CACNB1: variants seen among roughly 807,000 people sequenced by gnomAD.
CACNB1 encodes the protein calcium voltage-gated channel auxiliary subunit beta 1.
A neutral mutation model predicts 71.6 loss-of-function variants in CACNB1; 29 were observed. The observed-to-expected ratio is 0.40, with a 90% CI of 0.30 to 0.55. The LOEUF is 0.55. Among genes scored for constraint, CACNB1 ranks in the 20% least tolerant of loss-of-function variants. CACNB1 has a pLI of 0.38. For synonymous variants in CACNB1, 300 were observed against 319.6 expected (o/e 0.94, Z 0.65); for missense variants, 623 against 801.8 (o/e 0.78, Z 2.69).
At chr17:39,183,603 G>T in intron 11 of CACNB1, 110 bp downstream of exon 11, 1 of 902,502 alleles carries the variant, frequency 1.1e-6, no homozygotes, top group South Asian at 1.8e-5. Flanking sequence ...AGGAAACTAA[G>T]ACTCAGGCAG....
intron 1 of CACNB1, 69 bp from the exon 2 acceptor site, chr17:39,195,039 C>T: frequency 9.4e-7 from 1 of 1,067,774 alleles, no homozygotes; most frequent in Non-Finnish European, 1.4e-6. Flanking sequence ...TCTTGCCAGC[C>T]CCAGAGCTAC....
chr17:39,191,671 C>T lies in CACNB1; in HGVS notation c.172-78G>A, dbSNP rs1597714752. 1.1e-5 allele frequency: 16 copies of T among 1,491,546 alleles called. No homozygotes were observed. In the East Asian group the frequency reaches 3.9e-4, roughly 36 times the overall value. 92.4% of individuals were successfully genotyped at this position (1,491,546 alleles called of 1,614,324 possible). A position where few individuals can be genotyped will look rare whatever the true frequency, so the allele number is the denominator to read the frequency against. On this transcript the variant is annotated intron_variant, in intron 2 of 13. Coordinates refer to ENST00000394303, the MANE Select transcript of CACNB1 (RefSeq NM_000723.5). ...GGCCTGGGAAGGCATGGAGGTGCCACCCATCATGGATGCCTCGAGCCCCAG... is the reference window on the plus strand; with the variant it reads ...GGCCTGGGAAGGCATGGAGGTGCCATCCATCATGGATGCCTCGAGCCCCAG...
At position 39,185,761 on chromosome 17, in the gene CACNB1, G is replaced by T. The variant is rs114401617; in HGVS notation, c.629-611C>A. On this transcript the variant is annotated intron_variant, in intron 6 of 13. Coordinates refer to ENST00000394303, the MANE Select transcript of CACNB1 (RefSeq NM_000723.5). The stretch of plus-strand genomic sequence containing the variant: ...CCAAGGGCAAGATCTCCTTCCTGGA[G>T]ATCGGGCCAGGGTGGAGTTGTGTGT... 8.4e-3 allele frequency among the ~76,000 whole-genome samples: 1,275 copies of T among 152,284 alleles called. 23 individuals carry two copies. Among genetic ancestry groups the T allele is most frequent in the African/African-American group, 0.029 (1,199 of 41,556 alleles).
At position 39,186,760 on chromosome 17, in the gene CACNB1, G is replaced by C; in HGVS notation, c.551+33C>G. ...GGCTGTATGGCCTCTCCTGGGGTTG[G>C]CAGCATCCCCTTCCCCTGCCCCACC... On this transcript the variant is annotated intron_variant, in intron 5 of 13. Transcript: ENST00000394303. The surrounding 1 kb of genome is among the most constrained non-coding windows in gnomAD (Gnocchi z 4.1). 1 of 1,611,958 alleles carries C rather than the reference G, an allele frequency of 6.2e-7. No individual in the cohort carries two copies. Among genetic ancestry groups the C allele is most frequent in the Non-Finnish European group, 8.5e-7 (1 of 1,178,918 alleles).
chr17:39,185,898 A>G, intron 6 of CACNB1: 2 of 1,575,424 alleles, frequency 1.3e-6, no homozygotes, highest in Non-Finnish European at 1.7e-6. Context: ...TCCCTCCACC[A>G]AAGTGCTGGC....
Position 39,186,140 on chromosome 17 carries a change from G to A in CACNB1, c.628+356C>T. On this transcript the variant is annotated intron_variant, in intron 6 of 13. Coordinates refer to ENST00000394303, the MANE Select transcript of CACNB1 (RefSeq NM_000723.5). This position sits in a 1 kb window ranked among gnomAD's most constrained non-coding sequence, Gnocchi z 4.1. ...GAGTCAGGAGAGAGGGAGGAGGGAG[G>A]CGAGGTGGGGAGAAGGAGTGAGATG... 1.3e-6 allele frequency: 2 copies of A among 1,590,998 alleles called. No homozygotes were observed. The highest frequency in any genetic ancestry group is 1.7e-6 in the Non-Finnish European group (2 of 1,160,710).
chr17:39,176,939 G>C (rs904774644), intron 13 of CACNB1, among the ~76,000 whole-genome samples: 2 of 152,192 alleles, frequency 1.3e-5, no homozygotes, highest in African/African-American at 4.8e-5. Flanking sequence ...CCCCTGCTCT[G>C]TTGGGTCTAA....
At chr17:39,191,629 GC>G in intron 2 of CACNB1, 36 bp from the exon 3 acceptor site, 1 of 1,597,572 alleles carries the variant, frequency 6.3e-7, no homozygotes, top group East Asian at 2.3e-5. Context: ...GGCCATTGCT[GC>G]CCCTCCCAGC....
rs34584494 is a variant in CACNB1 at position 39,194,210 on chromosome 17, T to G, written c.171+674A>C. ...ACATGCCTCTCTCAGTCCCTCACCC[T>G]GAGCCTAAGATGGCCCAGGGTTGAC... On this transcript the variant is annotated intron_variant, in intron 2 of 13. Transcript: ENST00000394303. This position sits in a 1 kb window ranked among gnomAD's most constrained non-coding sequence, Gnocchi z 4.6. Among the ~76,000 whole-genome samples, 5,394 of 152,242 alleles carry G rather than the reference T, an allele frequency of 0.035. 310 individuals carry two copies. Among genetic ancestry groups the G allele is most frequent in the African/African-American group, 0.12 (5,101 of 41,504 alleles).
At chr17:39,180,266 A>C (rs2045718452) in intron 11 of CACNB1, among the ~76,000 whole-genome samples, 1 of 151,584 alleles carries the variant, frequency 6.6e-6, no homozygotes, top group African/African-American at 2.4e-5. Flanking sequence ...CTAGCTCAAA[A>C]AAAAAAAAAA....
Position 39,194,249 on chromosome 17 carries a change from C to T in CACNB1, c.171+635G>A, listed in dbSNP as rs538393130. On this transcript the variant is annotated intron_variant, in intron 2 of 13. Transcript: ENST00000394303. The surrounding 1 kb of genome is among the most constrained non-coding windows in gnomAD (Gnocchi z 4.6). ...CCCAGGGTTGACAGATGAGAGCAGC[C>T]GCTTACTGACTGAGCACAGAAGACC... Among the ~76,000 whole-genome samples, 14 of 152,246 alleles carry T rather than the reference C, an allele frequency of 9.2e-5. No individual in the cohort carries two copies. The South Asian group carries it at 1.9e-3, about 20-fold the overall frequency.
chr17:39,193,478 TCCCGGCA>T (rs780131447), intron 2 of CACNB1: 46 of 453,658 alleles, frequency 1.0e-4, no homozygotes, highest in Non-Finnish European at 2.0e-4. Context: ...GGCGCCTCCA[TCCCGGCA>T]CCCTCAGTGC....
At position 39,184,040 on chromosome 17, in the gene CACNB1, A is replaced by C; in HGVS notation, c.889T>G (p.Ser297Ala). The change falls in exon 10 of 14, where the codon TCC (serine) becomes GCC (alanine). Residue 297 changes from serine to alanine, a missense_variant. By Grantham distance (99) the Ser-to-Ala change is moderately conservative. Coordinates refer to ENST00000394303, the MANE Select transcript of CACNB1 (RefSeq NM_000723.5). Reference sequence around the variant, plus strand: ...GCAGGAGTAGGCTCACCCAGGCTGGAGCGTGTGTTGGAGCGCTCAATGATG... The same window carrying C: ...GCAGGAGTAGGCTCACCCAGGCTGGCGCGTGTGTTGGAGCGCTCAATGATG... Reference protein sequence around the residue: ...HIIIERSNTRSSLAEVQSEIE... With the variant: ...HIIIERSNTRASLAEVQSEIE... 6.2e-7 allele frequency: 1 copy of C among 1,611,294 alleles called. No individual in the cohort carries two copies. Among genetic ancestry groups the C allele is most frequent in the Non-Finnish European group, 8.5e-7 (1 of 1,177,750 alleles).
In CACNB1 at chr17:39,186,874, C is replaced by A; in HGVS notation, c.470G>T (p.Gly157Val). 5 of 1,614,088 alleles carry A rather than the reference C, an allele frequency of 3.1e-6. No individual in the cohort carries two copies. Among genetic ancestry groups the A allele is most frequent in the South Asian group, 1.1e-5 (1 of 91,078 alleles). ...CAGTTTGACGGGGCTGGGAATGAAG[C>A]CAACCTCACAGCCCTCCTTCACCAG... ...GRLVKEGCEV[G>V]FIPSPVKLDS... is the part of the protein sequence containing the mutation. Residue 157 changes from glycine to valine, a missense_variant, in exon 5 of 14, where the codon GGC becomes GTC. Transcript: ENST00000394303. The surrounding 1 kb of genome is among the most constrained non-coding windows in gnomAD (Gnocchi z 4.1).
In CACNB1 at chr17:39,173,799, C is replaced by T. The variant is rs1378750206; in HGVS notation, c.*1394G>A. 2 of 152,290 alleles carry T rather than the reference C, an allele frequency of 1.3e-5. No homozygotes were observed. The highest frequency in any genetic ancestry group is 2.9e-5 in the Non-Finnish European group (2 of 68,124). 9.4% of individuals were successfully genotyped at this position (152,290 alleles called of 1,614,324 possible). ...CAAAGAAGCAGGCTTGGGAGGCAGC[C>T]ACAAAGGACAGGACAGTGGTTTTAT... is the stretch of plus-strand genomic sequence containing the variant. On this transcript the variant is annotated 3_prime_UTR_variant, in exon 14 of 14. Transcript: ENST00000394303.
chr17:39,197,362 C>G (rs999061406), intron 1 of CACNB1, 50 bp downstream of exon 1: 1 of 1,286,540 alleles, frequency 7.8e-7, no homozygotes, highest in Non-Finnish European at 1.0e-6. Context: ...GACCTTAACA[C>G]GGTCCGCGGG....
chr17:39,195,788 C>G (rs1437209389), intron 1 of CACNB1, among the ~76,000 whole-genome samples: 1 of 152,164 alleles, frequency 6.6e-6, no homozygotes, highest in Non-Finnish European at 1.5e-5. Flanking sequence ...TGCCCCATGC[C>G]CATGGTACCC....
intron 1 of CACNB1, 53 bp from the exon 2 acceptor site, chr17:39,195,023 C>A: frequency 7.7e-7 from 1 of 1,292,020 alleles, no homozygotes. Context: ...CCTTTCCCAA[C>A]CCTCATCTTG....
chr17:39,182,098 T>C (rs565923914), intron 11 of CACNB1, among the ~76,000 whole-genome samples: 4 of 148,620 alleles, frequency 2.7e-5, no homozygotes, highest in South Asian at 2.1e-4. Context: ...GAGGCGGAGG[T>C]TGCAGTGAGC....
Sources: gnomAD v4.1 joint callset for allele counts (sites outside exome capture counted in the v4.1 genomes callset) on GRCh38, gnomAD v4.1.1 for gene constraint, Gnocchi (gnomAD v3.1) non-coding constraint, MANE v1.5 for transcripts, NCBI Gene and HGNC (gene_info 2026-07-23, HGNC 2026-07-21) for gene names.